SRSF12: variants seen among roughly 807,000 people sequenced by gnomAD.
SRSF12 encodes serine/arginine-rich splicing factor 12.
SRSF12 carries 21 observed loss-of-function variants against 34.1 expected under a neutral mutation model. The ratio of observed to expected loss-of-function variants is 0.62; its 90% CI spans 0.44 to 0.89. The LOEUF (loss-of-function observed/expected upper bound fraction) is 0.89. Ranked by LOEUF, SRSF12 falls within the 40% of genes least tolerant of loss-of-function variation. The pLI is 0.00. For missense variants in SRSF12, 278 were observed against 327.8 expected (o/e 0.85, Z 1.17); for synonymous variants, 111 against 110.8 (o/e 1.00, Z -0.01).
intron 1 of SRSF12, among the ~76,000 whole-genome samples, chr6:89,112,308 G>A (rs1299711103): frequency 6.6e-6 from 1 of 151,962 alleles, no homozygotes; most frequent in Non-Finnish European, 1.5e-5. Context: ...AGTGTCTTCT[G>A]CTTTTAATTT....
chr6:89,099,645 T>C (rs1301010946), intron 4 of SRSF12, among the ~76,000 whole-genome samples: 5 of 151,622 alleles, frequency 3.3e-5, no homozygotes. Context: ...GAGCAATTCT[T>C]CTCTCTCAGC....
At chr6:89,106,118 TTA>T (rs58257397) in intron 2 of SRSF12, among the ~76,000 whole-genome samples, 99,122 of 151,808 alleles carry the variant, frequency 0.65, 33,137 homozygotes, top group East Asian at 0.78. Context: ...CTTTAAATGT[TTA>T]TGTTTTTTTC....
chr6:89,112,634 A>C (rs80111135), intron 1 of SRSF12, among the ~76,000 whole-genome samples: 7,171 of 149,772 alleles, frequency 0.048, 215 homozygotes, highest in African/African-American at 0.091. Context: ...CTGGCCTTGA[A>C]CTCCTGTCCT....
intron 1 of SRSF12, among the ~76,000 whole-genome samples, chr6:89,108,099 T>C (rs1027247524): frequency 6.6e-6 from 1 of 152,230 alleles, no homozygotes; most frequent in East Asian, 1.9e-4. Flanking sequence ...AAGTAACTAC[T>C]GTATTCCCAA....
At chr6:89,109,654 G>C (rs1019846348) in intron 1 of SRSF12, among the ~76,000 whole-genome samples, 1 of 152,180 alleles carries the variant, frequency 6.6e-6, no homozygotes, top group Non-Finnish European at 1.5e-5. Context: ...GATGGAACAG[G>C]TCTTTTCAAA....
intron 4 of SRSF12, among the ~76,000 whole-genome samples, chr6:89,103,742 G>T (rs960346290): frequency 1.3e-4 from 19 of 151,830 alleles, no homozygotes; most frequent in Middle Eastern, 3.4e-3. Context: ...TTACAGGCGT[G>T]AGCCACTGCA....
chr6:89,100,494 A>G (rs1330307301), intron 4 of SRSF12, among the ~76,000 whole-genome samples: 1 of 148,290 alleles, frequency 6.7e-6, no homozygotes, highest in African/African-American at 2.5e-5. Flanking sequence ...AGCCTCTATA[A>G]TTTTTTGTCC....
At chr6:89,115,822 A>T (rs911142288) in intron 1 of SRSF12, among the ~76,000 whole-genome samples, 2 of 151,116 alleles carry the variant, frequency 1.3e-5, no homozygotes, top group Non-Finnish European at 2.9e-5. Context: ...TTTTTAGTAG[A>T]GACGGGGTTT....
chr6:89,116,664 A>G (rs1769307527), intron 1 of SRSF12, among the ~76,000 whole-genome samples: 1 of 151,770 alleles, frequency 6.6e-6, no homozygotes, highest in Non-Finnish European at 1.5e-5. Flanking sequence ...AATCCCATCT[A>G]CTTTGGATGC....
chr6:89,107,927 T>C (rs1196527886), intron 1 of SRSF12, among the ~76,000 whole-genome samples: 1 of 152,154 alleles, frequency 6.6e-6, no homozygotes, highest in Non-Finnish European at 1.5e-5. Flanking sequence ...TAAGACCTAA[T>C]AAGTAATTGT....
rs1206255564 is a variant in SRSF12, at chr6:89,097,918, T to C, written c.*660A>G. On this transcript the variant is annotated 3_prime_UTR_variant, in exon 5 of 5. Transcript: ENST00000452027. ...CAAACCATTCAAAATCCAGTATTTC[T>C]CAAAAGTTCTGATATTACTAATGTG... The C allele has an allele frequency of 6.6e-6, 1 of 152,222 alleles. No individual in the cohort carries two copies. The highest frequency in any genetic ancestry group is 2.4e-5 in the African/African-American group (1 of 41,444). The allele number at this position is 152,222 out of a possible 1,614,324, so 9.4% of individuals were successfully genotyped here.
intron 4 of SRSF12, among the ~76,000 whole-genome samples, chr6:89,099,456 GTA>G (rs1165109904): frequency 2.8e-5 from 4 of 141,338 alleles, no homozygotes; most frequent in South Asian, 2.3e-4. Context: ...ATATATGTGT[GTA>G]TATATGTGTG....
intron 2 of SRSF12, chr6:89,106,713 T>C (rs1291867135): frequency 8.0e-6 from 2 of 251,472 alleles, no homozygotes; most frequent in East Asian, 1.7e-4. Context: ...CCTTGACCTT[T>C]ACTCTTTAAG....
At chr6:89,108,591 T>C (rs1284557895) in intron 1 of SRSF12, among the ~76,000 whole-genome samples, 1 of 152,134 alleles carries the variant, frequency 6.6e-6, no homozygotes, top group Admixed American at 6.5e-5. Context: ...GAAATAAAGA[T>C]TCAAAGATGA....
At position 89,117,651 on chromosome 6, in the gene SRSF12, TG is replaced by T. The variant is rs1239801289; in HGVS notation, c.65+171del. Among the ~76,000 whole-genome samples the T allele has an allele frequency of 2.0e-3, 306 of 151,762 alleles. 2 individuals carry two copies. Among genetic ancestry groups the T allele is most frequent in the African/African-American group, 7.2e-3 (300 of 41,406 alleles). On this transcript the variant is annotated intron_variant, in intron 1 of 4. Transcript: ENST00000452027. ...GAGGGCGGAGGCGCGAGTTCCGCCC[TG>T]GGCCGCGGAGTAGTCCGAGGGCTCA...
At chr6:89,108,670 G>C (rs1200760194) in intron 1 of SRSF12, among the ~76,000 whole-genome samples, 3 of 152,286 alleles carry the variant, frequency 2.0e-5, no homozygotes, top group Non-Finnish European at 2.9e-5. Flanking sequence ...AAGAGAGCTA[G>C]ATCAAGGAGG....
At chr6:89,102,460 C>T (rs561793358) in intron 4 of SRSF12, among the ~76,000 whole-genome samples, 1 of 152,014 alleles carries the variant, frequency 6.6e-6, no homozygotes, top group East Asian at 1.9e-4. Flanking sequence ...TATATTTATA[C>T]TGAAAATACA....
At chr6:89,114,711 C>T (rs1477805015) in intron 1 of SRSF12, among the ~76,000 whole-genome samples, 1 of 152,154 alleles carries the variant, frequency 6.6e-6, no homozygotes, top group African/African-American at 2.4e-5. Flanking sequence ...TCAGGTGTCA[C>T]CTGCAGATGT....
rs1284121079 is a variant in SRSF12, at chr6:89,096,206, A to G, written c.*2372T>C. 4 of 152,184 alleles carry G rather than the reference A, an allele frequency of 2.6e-5. No individual in the cohort carries two copies. The highest frequency in any genetic ancestry group is 6.5e-5 in the Admixed American group (1 of 15,272). 9.4% of individuals were successfully genotyped at this position (152,184 alleles called of 1,614,324 possible). A position where few individuals can be genotyped will look rare whatever the true frequency, so the allele number is the denominator to read the frequency against. On this transcript the variant is annotated 3_prime_UTR_variant, in exon 5 of 5. Transcript: ENST00000452027. Reference sequence around the variant, plus strand: ...GATTTTAATAAAGCATATACCTGTCAAAGACTTCTCTTTGCAAAAGACATA... The same window carrying G: ...GATTTTAATAAAGCATATACCTGTCGAAGACTTCTCTTTGCAAAAGACATA...
Sources: allele counts gnomAD v4.1 joint callset (sites outside exome capture counted in the v4.1 genomes callset), GRCh38; gene constraint gnomAD v4.1.1; transcripts MANE v1.5; gene names NCBI Gene and HGNC (gene_info 2026-07-23, HGNC 2026-07-21).